Variants in DLD observed in about 807,000 individuals in gnomAD.
DLD encodes the protein dihydrolipoamide dehydrogenase.
DLD carries 36 observed loss-of-function variants against 62.2 expected under a neutral mutation model. That is an observed-to-expected ratio of 0.58 (90% confidence interval 0.44 to 0.76). DLD has a LOEUF of 0.76. DLD is among the 30% of genes least tolerant of loss of function. The probability of loss-of-function intolerance (pLI) is 0.00; values close to 1 mark genes in which losing one functional copy is unlikely to be tolerated. For synonymous variants in DLD, 204 were observed against 199.6 expected (o/e 1.02, Z -0.19); for missense variants, 541 against 608.6 (o/e 0.89, Z 1.17).
chr7:107,895,807 G>T (rs938503542), intron 2 of DLD, among the ~76,000 whole-genome samples: 1 of 152,160 alleles, frequency 6.6e-6, no homozygotes, highest in Non-Finnish European at 1.5e-5. Flanking sequence ...CTCGTTACAG[G>T]TTGGACCTTT....
At position 107,891,498 on chromosome 7, in the gene DLD, C is replaced by T. The variant is rs115778377; in HGVS notation, c.39+209C>T. On this transcript the variant is annotated intron_variant, in intron 1 of 13. Coordinates refer to ENST00000205402, the MANE Select transcript of DLD (RefSeq NM_000108.5). ...AGCAGGCGAGGGACGGGGCTGGGCC[C>T]AGGCTGTGGCGAGTCCTTTCGGGTT... The T allele has an allele frequency of 1.3e-3, 793 of 631,352 alleles. 6 individuals are homozygous for T. The African/African-American group carries it at 0.013, about 10-fold the overall frequency. 39.1% of individuals were successfully genotyped at this position (631,352 alleles called of 1,614,324 possible). A position where few individuals can be genotyped will look rare whatever the true frequency, so the allele number is the denominator to read the frequency against.
chr7:107,909,839 C>CT (rs71134292), intron 8 of DLD, among the ~76,000 whole-genome samples: 935 of 73,050 alleles, frequency 0.013, 4 homozygotes, highest in Non-Finnish European at 0.016. Flanking sequence ...GGAGAATTAA[C>CT]TTTTTTTTTT....
intron 2 of DLD, among the ~76,000 whole-genome samples, chr7:107,897,127 G>A (rs1440636588): frequency 2.6e-5 from 4 of 152,068 alleles, no homozygotes; most frequent in African/African-American, 9.7e-5. Flanking sequence ...GAGCCACCGC[G>A]CCTGGCCAAA....
chr7:107,905,827 T>C (rs1453646225), intron 7 of DLD: 8 of 362,216 alleles, frequency 2.2e-5, no homozygotes, highest in Non-Finnish European at 3.6e-5. Flanking sequence ...AACAAATAAA[T>C]GACTTAGTAT....
intron 12 of DLD, 117 bp from the exon 13 acceptor site, chr7:107,918,893 T>TA: frequency 1.2e-6 from 1 of 861,294 alleles, no homozygotes; most frequent in Non-Finnish European, 1.9e-6. Flanking sequence ...CTTCAACTGA[T>TA]AAAGAAACAG....
At chr7:107,918,170 A>C in intron 12 of DLD, 109 bp downstream of exon 12, 1 of 1,219,208 alleles carries the variant, frequency 8.2e-7, no homozygotes, top group South Asian at 1.2e-5. Context: ...TTCCAGCAAA[A>C]CTTTGAATAT....
At chr7:107,909,089 C>A (rs10242084) in intron 8 of DLD, among the ~76,000 whole-genome samples, 192 of 152,276 alleles carry the variant, frequency 1.3e-3, no homozygotes, top group African/African-American at 4.2e-3. Flanking sequence ...GCTTTGAAAT[C>A]AGTTTAGTTG....
chr7:107,892,759 G>C (rs913135012), intron 1 of DLD, among the ~76,000 whole-genome samples: 1 of 152,102 alleles, frequency 6.6e-6, no homozygotes, highest in African/African-American at 2.4e-5. Context: ...TGTTGGCCAG[G>C]CTGGTCTCGA....
rs1343565070 is a variant in DLD at position 107,903,379 on chromosome 7, A to G, written c.268-99A>G. On this transcript the variant is annotated intron_variant, in intron 4 of 13. Transcript: ENST00000205402. ...GGCAATAAGAACGAAACTCCGTCTC[A>G]AAAAATGAAAAGAAAGACTATCATT... 6.1e-6 allele frequency: 5 copies of G among 825,392 alleles called. No individual in the cohort carries two copies. In the East Asian group the frequency reaches 1.5e-4, roughly 25 times the overall value. The allele number at this position is 825,392 out of a possible 1,614,324, so 51.1% of individuals were successfully genotyped here. A position where few individuals can be genotyped will look rare whatever the true frequency, so the allele number is the denominator to read the frequency against.
At chr7:107,891,168 G>A, upstream of DLD, 1 of 1,547,214 alleles carries the variant, frequency 6.5e-7, no homozygotes, top group Non-Finnish European at 8.9e-7. Context: ...CTGTGCATGC[G>A]CAGGGAGGGG....
chr7:107,914,058 C>G (rs1286276938), intron 8 of DLD, among the ~76,000 whole-genome samples: 1 of 152,092 alleles, frequency 6.6e-6, no homozygotes. Context: ...ATCCTTGCAT[C>G]TCTGGGATGA....
chr7:107,911,805 A>C (rs1291861211), intron 8 of DLD, among the ~76,000 whole-genome samples: 1 of 152,048 alleles, frequency 6.6e-6, no homozygotes, highest in Non-Finnish European at 1.5e-5. Flanking sequence ...TAGGCTATCC[A>C]TCACCTCGAA....
intron 2 of DLD, among the ~76,000 whole-genome samples, chr7:107,900,531 T>C (rs2031852082): frequency 6.6e-6 from 1 of 152,096 alleles, no homozygotes; most frequent in Admixed American, 6.5e-5. Flanking sequence ...TCACCTAAGG[T>C]CACATAGGTA....
At chr7:107,906,689 A>T (rs2032016922) in intron 8 of DLD, among the ~76,000 whole-genome samples, 1 of 152,208 alleles carries the variant, frequency 6.6e-6, no homozygotes, top group Non-Finnish European at 1.5e-5. Flanking sequence ...ATTGCATTCC[A>T]AATAAAGATT....
intron 2 of DLD, among the ~76,000 whole-genome samples, chr7:107,897,559 A>G (rs1406976345): frequency 6.9e-6 from 1 of 145,750 alleles, no homozygotes; most frequent in Non-Finnish European, 1.5e-5. Flanking sequence ...AGTGGTAGGT[A>G]TTATTGTAGA....
chr7:107,909,877 C>T (rs912301450), intron 8 of DLD, among the ~76,000 whole-genome samples: 22 of 135,468 alleles, frequency 1.6e-4, no homozygotes, highest in African/African-American at 4.4e-4. Context: ...GATGGAGTCT[C>T]GCTCTGTAGC....
chr7:107,896,863 T>C (rs895584832), intron 2 of DLD, among the ~76,000 whole-genome samples: 1 of 151,692 alleles, frequency 6.6e-6, no homozygotes, highest in Admixed American at 6.6e-5. Context: ...TGAGACAAAG[T>C]CTCGCTCTTG....
At chr7:107,911,745 C>T (rs940502236) in intron 8 of DLD, among the ~76,000 whole-genome samples, 2 of 150,898 alleles carry the variant, frequency 1.3e-5, no homozygotes, top group African/African-American at 4.9e-5. Flanking sequence ...GTACTTTTTT[C>T]AAGGTACATG....
In DLD at chr7:107,919,482, T is replaced by C; in HGVS notation, c.*223T>C. ...TGCACTAATGTGTAAGACAAAAAGC[T>C]ACTTATTGTAGCATCCTGGAATATC... On this transcript the variant is annotated 3_prime_UTR_variant, in exon 14 of 14. Transcript: ENST00000205402. 2.4e-6 allele frequency: 1 copy of C among 423,326 alleles called. No individual in the cohort carries two copies. Among genetic ancestry groups the C allele is most frequent in the African/African-American group, 2.0e-5 (1 of 49,772 alleles). The allele number at this position is 423,326 out of a possible 1,614,324, so 26.2% of individuals were successfully genotyped here. A position where few individuals can be genotyped will look rare whatever the true frequency, so the allele number is the denominator to read the frequency against.
Sources: gnomAD v4.1 joint callset for allele counts (sites outside exome capture counted in the v4.1 genomes callset) on GRCh38, gnomAD v4.1.1 for gene constraint, MANE v1.5 for transcripts, NCBI Gene and HGNC (gene_info 2026-07-23, HGNC 2026-07-21) for gene names.